Variants in ZNF737 observed in about 807,000 individuals in gnomAD.
ZNF737 encodes the protein zinc finger protein 102 (Y3).
ZNF737 carries 13 observed loss-of-function variants against 11.7 expected under a neutral mutation model. The ratio of observed to expected loss-of-function variants is 1.11; its 90% CI spans 0.73 to 1.77. The LOEUF (loss-of-function observed/expected upper bound fraction) is 1.77. ZNF737 is among the 40% of genes most tolerant of loss of function. ZNF737 has a pLI of 0.00. For missense variants in ZNF737, 636 were observed against 638.0 expected (o/e 1.00, Z 0.03); for synonymous variants, 217 against 216.2 (o/e 1.00, Z -0.03).
intron 1 of ZNF737, among the ~76,000 whole-genome samples, chr19:20,560,095 A>G (rs1225220324): frequency 7.5e-5 from 11 of 146,748 alleles, no homozygotes; most frequent in African/African-American, 2.2e-4. Context: ...GAACCCGGGA[A>G]GCGGAGCTTG....
intron 3 of ZNF737, among the ~76,000 whole-genome samples, chr19:20,547,097 C>T (rs1968479569): frequency 6.6e-6 from 1 of 151,972 alleles, no homozygotes; most frequent in South Asian, 2.1e-4. Flanking sequence ...CCTACAGTAA[C>T]ATGGCCAGGC....
In ZNF737 at chr19:20,538,631, C is replaced by A; in HGVS notation, c.*5961G>T. On this transcript the variant is annotated 3_prime_UTR_variant, in exon 4 of 4. Coordinates refer to ENST00000427401, the MANE Select transcript of ZNF737 (RefSeq NM_001159293.2). The stretch of plus-strand genomic sequence containing the variant: ...GCTATTTCTTTACAGCTCCAGAGAA[C>A]AAACATTTCTAAAACCATTATGGAC... 1 of 983,422 alleles carries A rather than the reference C, an allele frequency of 1.0e-6. No individual in the cohort carries two copies. Among genetic ancestry groups the A allele is most frequent in the Non-Finnish European group, 1.2e-6 (1 of 828,120 alleles). The allele number at this position is 983,422 out of a possible 1,614,324, so 60.9% of individuals were successfully genotyped here.
At chr19:20,546,102 T>A in intron 3 of ZNF737, 126 bp from the exon 4 acceptor site, 1 of 1,212,144 alleles carries the variant, frequency 8.2e-7, no homozygotes, top group Non-Finnish European at 1.1e-6. Flanking sequence ...CCACAAACTG[T>A]AATTTCTTCC....
At chr19:20,564,607 T>C (rs1297208272) in intron 1 of ZNF737, among the ~76,000 whole-genome samples, 1 of 147,788 alleles carries the variant, frequency 6.8e-6, no homozygotes, top group Non-Finnish European at 1.5e-5. Context: ...AGCCGAGATC[T>C]GACACTGCAC....
Position 20,541,550 on chromosome 19 carries a change from G to A in ZNF737, c.*3042C>T, listed in dbSNP as rs1426026357. The A allele has an allele frequency of 5.8e-6, 2 of 341,976 alleles. No individual in the cohort carries two copies. Among genetic ancestry groups the A allele is most frequent in the Non-Finnish European group, 8.3e-6 (2 of 242,058 alleles). 21.2% of individuals were successfully genotyped at this position (341,976 alleles called of 1,614,324 possible). ...CAACCTCTGCCTCCTGGGCTCAAAC[G>A]ATTCTCCTGCCTCAGCCTCCTGGCA... On this transcript the variant is annotated 3_prime_UTR_variant, in exon 4 of 4. Coordinates refer to ENST00000427401, the MANE Select transcript of ZNF737 (RefSeq NM_001159293.2).
In ZNF737 at chr19:20,542,618, T is replaced by C. The variant is rs1462317341; in HGVS notation, c.*1974A>G. ...CTCATTTATTTTAATATACTTTTAA[T>C]TATTTCTTTGTGTCACTATAATAAA... is the stretch of plus-strand genomic sequence containing the variant. On this transcript the variant is annotated 3_prime_UTR_variant, in exon 4 of 4. Transcript: ENST00000427401. The C allele has an allele frequency of 1.0e-6, 1 of 972,900 alleles. No individual in the cohort carries two copies. Among genetic ancestry groups the C allele is most frequent in the South Asian group, 4.8e-5 (1 of 21,028 alleles). 60.3% of individuals were successfully genotyped at this position (972,900 alleles called of 1,614,324 possible). A position where few individuals can be genotyped will look rare whatever the true frequency, so the allele number is the denominator to read the frequency against.
At chr19:20,533,804 C>T (rs1167649577), downstream of ZNF737, among the ~76,000 whole-genome samples, 3 of 149,912 alleles carry the variant, frequency 2.0e-5, no homozygotes, top group Admixed American at 6.7e-5. Context: ...ATTAGCTGAT[C>T]GGGATCACCT....
chr19:20,557,644 T>G (rs1307957038), intron 1 of ZNF737, among the ~76,000 whole-genome samples: 1 of 149,982 alleles, frequency 6.7e-6, no homozygotes, highest in Non-Finnish European at 1.5e-5. Context: ...TGAGATGCAG[T>G]CTCCCTCTGT....
Position 20,542,193 on chromosome 19 carries a change from AAAAAT to A in ZNF737, c.*2394_*2398del, listed in dbSNP as rs1275397854. The A allele has an allele frequency of 7.1e-6, 7 of 984,568 alleles. No individual in the cohort carries two copies. The highest frequency in any genetic ancestry group is 7.2e-6 in the Non-Finnish European group (6 of 829,224). 61.0% of individuals were successfully genotyped at this position (984,568 alleles called of 1,614,324 possible). ...AAACGCACGGTAGTCTTACCATGGTAAAAATAAAATAAAATTAAGTTCACAAATAA... is the reference window on the plus strand; with the variant it reads ...AAACGCACGGTAGTCTTACCATGGTAAAAATAAAATTAAGTTCACAAATAA... On this transcript the variant is annotated 3_prime_UTR_variant, in exon 4 of 4. Coordinates refer to ENST00000427401, the MANE Select transcript of ZNF737 (RefSeq NM_001159293.2).
downstream of ZNF737, among the ~76,000 whole-genome samples, chr19:20,537,265 A>C (rs564605813): frequency 5.9e-5 from 9 of 151,466 alleles, no homozygotes; most frequent in Non-Finnish European, 8.8e-5. Context: ...CAATGGCACA[A>C]TCTCATCTCA....
In ZNF737 at chr19:20,541,063, G is replaced by T. The variant is rs1968185414; in HGVS notation, c.*3529C>A. On this transcript the variant is annotated 3_prime_UTR_variant, in exon 4 of 4. Coordinates refer to ENST00000427401, the MANE Select transcript of ZNF737 (RefSeq NM_001159293.2). ...TGTTTCTGGAGACAAAGTTGCCTGT[G>T]CTTTAATAGGCAGACTCTGGGGAGA... is the stretch of plus-strand genomic sequence containing the variant. 1.0e-6 allele frequency: 1 copy of T among 985,190 alleles called. No individual in the cohort carries two copies. Among genetic ancestry groups the T allele is most frequent in the African/African-American group, 1.7e-5 (1 of 57,302 alleles). 61.0% of individuals were successfully genotyped at this position (985,190 alleles called of 1,614,324 possible). A position where few individuals can be genotyped will look rare whatever the true frequency, so the allele number is the denominator to read the frequency against.
At chr19:20,554,089 C>T (rs879971904) in intron 1 of ZNF737, among the ~76,000 whole-genome samples, 3 of 152,060 alleles carry the variant, frequency 2.0e-5, no homozygotes, top group Admixed American at 6.5e-5. Flanking sequence ...GGTATGAACA[C>T]GAACATGTAC....
the ZNF737 span, among the ~76,000 whole-genome samples, chr19:20,530,573 T>C: frequency 7.0e-6 from 1 of 143,522 alleles, no homozygotes; most frequent in Non-Finnish European, 1.5e-5. Flanking sequence ...GCAGAGACGC[T>C]CCTCACCTCC....
intron 1 of ZNF737, among the ~76,000 whole-genome samples, chr19:20,559,488 G>GGA (rs1568436151): frequency 6.6e-6 from 1 of 151,782 alleles, no homozygotes; most frequent in East Asian, 1.9e-4. Flanking sequence ...AGAAGTACTT[G>GGA]AAAAAAATGC....
chr19:20,542,187 C>T lies in ZNF737; in HGVS notation c.*2405G>A, dbSNP rs1644335119. On this transcript the variant is annotated 3_prime_UTR_variant, in exon 4 of 4. Transcript: ENST00000427401. ...TTCATTAAACGCACGGTAGTCTTACCATGGTAAAAATAAAATAAAATTAAG... is the reference window on the plus strand; with the variant it reads ...TTCATTAAACGCACGGTAGTCTTACTATGGTAAAAATAAAATAAAATTAAG... The T allele has an allele frequency of 1.0e-6, 1 of 984,080 alleles. No homozygotes were observed. The highest frequency in any genetic ancestry group is 1.8e-5 in the African/African-American group (1 of 57,080). The allele number at this position is 984,080 out of a possible 1,614,324, so 61.0% of individuals were successfully genotyped here.
chr19:20,531,847 TACTC>T (rs1555752942), downstream of ZNF737, among the ~76,000 whole-genome samples: 2 of 150,218 alleles, frequency 1.3e-5, no homozygotes, highest in Middle Eastern at 3.3e-3. Flanking sequence ...GGGAGATAAA[TACTC>T]ACATAGAGAA....
chr19:20,542,263 T>C lies in ZNF737; in HGVS notation c.*2329A>G, dbSNP rs1968239674. ...TTTTTTTTGAGACAGAGTTTTGCTC[T>C]TGTTGCCCAGACTGGAGTGCAATCG... On this transcript the variant is annotated 3_prime_UTR_variant, in exon 4 of 4. Transcript: ENST00000427401. 2.2e-6 allele frequency: 2 copies of C among 909,754 alleles called. No individual in the cohort carries two copies. Among genetic ancestry groups the C allele is most frequent in the Non-Finnish European group, 2.6e-6 (2 of 761,376 alleles). The allele number at this position is 909,754 out of a possible 1,614,324, so 56.4% of individuals were successfully genotyped here. A position where few individuals can be genotyped will look rare whatever the true frequency, so the allele number is the denominator to read the frequency against.
At chr19:20,564,720 G>A (rs1395017860) in intron 1 of ZNF737, among the ~76,000 whole-genome samples, 1 of 151,946 alleles carries the variant, frequency 6.6e-6, no homozygotes, top group African/African-American at 2.4e-5. Flanking sequence ...TGAGACACAT[G>A]TGGAAAATGC....
intron 3 of ZNF737, among the ~76,000 whole-genome samples, chr19:20,546,396 C>T (rs1370275988): frequency 2.0e-5 from 3 of 152,066 alleles, no homozygotes; most frequent in Admixed American, 2.0e-4. Flanking sequence ...GCCCCCATGA[C>T]CCAAACATAT....
Sources: allele counts gnomAD v4.1 joint callset (sites outside exome capture counted in the v4.1 genomes callset), GRCh38; gene constraint gnomAD v4.1.1; transcripts MANE v1.5; gene names NCBI Gene and HGNC (gene_info 2026-07-23, HGNC 2026-07-21).